Variants in FBXO45 observed in about 807,000 individuals in gnomAD.
FBXO45 encodes F-box protein 45, also known as F-box/SPRY domain-containing protein 1.
FBXO45 carries 3 observed loss-of-function variants against 25.5 expected under a neutral mutation model. The observed-to-expected ratio is 0.12, with a 90% CI of 0.05 to 0.30. The LOEUF is 0.30. Among genes scored for constraint, FBXO45 ranks in the 10% least tolerant of loss-of-function variants. The pLI, the probability that FBXO45 is intolerant of heterozygous loss-of-function variation, is 1.00. For missense variants in FBXO45, 219 were observed against 365.0 expected (o/e 0.60, Z 3.26); for synonymous variants, 155 against 149.8 (o/e 1.03, Z -0.25).
chr3:196,584,543 T>C lies in FBXO45; in HGVS notation c.*225T>C. The C allele has an allele frequency of 2.2e-6, 1 of 447,526 alleles. No individual in the cohort carries two copies. Among genetic ancestry groups the C allele is most frequent in the South Asian group, 4.4e-5 (1 of 22,568 alleles). 27.7% of individuals were successfully genotyped at this position (447,526 alleles called of 1,614,324 possible). ...CAGTTGGTTGAGTGGGCAGTTGACA[T>C]ATGCATGTTGCACCCGATGTTGTCT... On this transcript the variant is annotated 3_prime_UTR_variant, in exon 3 of 3. Transcript: ENST00000311630. The surrounding 1 kb of genome is among the most constrained non-coding windows in gnomAD (Gnocchi z 4.3).
intron 1 of FBXO45, among the ~76,000 whole-genome samples, chr3:196,575,255 A>T (rs1181420059): frequency 6.6e-6 from 1 of 152,198 alleles, no homozygotes; most frequent in Non-Finnish European, 1.5e-5. Context: ...CAGGAGTTTG[A>T]GACCAGCCTG....
intron 2 of FBXO45, among the ~76,000 whole-genome samples, chr3:196,578,043 A>ATTTTTTTTTTTTTTT (rs1196867210): frequency 1.4e-3 from 35 of 25,170 alleles, no homozygotes; most frequent in African/African-American, 1.8e-3. Flanking sequence ...GCAGAAAAAT[A>ATTTTTTTTTTTTTTT]TTCTTTTTTT....
chr3:196,573,424 T>TGAACAGC (rs1190150220), intron 1 of FBXO45, among the ~76,000 whole-genome samples: 1 of 152,180 alleles, frequency 6.6e-6, no homozygotes, highest in Non-Finnish European at 1.5e-5. Context: ...CATAGAAGTT[T>TGAACAGC]GAACAGCAGA....
Position 196,586,465 on chromosome 3 carries a change from C to T in FBXO45, c.*2147C>T, listed in dbSNP as rs1736112804. ...TCAAAGATTTAAATTCCCGAATGTC[C>T]CATTCGCAAATCATATGCAATTGAA... On this transcript the variant is annotated 3_prime_UTR_variant, in exon 3 of 3. Coordinates refer to ENST00000311630, the MANE Select transcript of FBXO45 (RefSeq NM_001105573.2). The T allele has an allele frequency of 6.6e-6, 1 of 152,130 alleles. No individual in the cohort carries two copies. The highest frequency in any genetic ancestry group is 1.5e-5 in the Non-Finnish European group (1 of 68,040). 9.4% of individuals were successfully genotyped at this position (152,130 alleles called of 1,614,324 possible).
Position 196,584,190 on chromosome 3 carries a change from C to T in FBXO45, c.733C>T (p.Arg245Cys). The change falls in exon 3 of 3, where the codon CGT becomes TGT. Residue 245 changes from arginine to cysteine, a missense_variant. By Grantham distance (180) the Arg-to-Cys change is radical (BLOSUM62 -3). Coordinates refer to ENST00000311630, the MANE Select transcript of FBXO45 (RefSeq NM_001105573.2). This position sits in a 1 kb window ranked among gnomAD's most constrained non-coding sequence, Gnocchi z 4.3. Reference sequence around the variant, plus strand: ...GGAAGATAAGACTTTAGCTTTTGAACGTGGATATGAGTTCCTGGGGGTTGC... The same window carrying T: ...GGAAGATAAGACTTTAGCTTTTGAATGTGGATATGAGTTCCTGGGGGTTGC... ...DMEDKTLAFE[R>C]GYEFLGVAFR... 2 of 1,613,908 alleles carry T rather than the reference C, an allele frequency of 1.2e-6. No homozygotes were observed. Among genetic ancestry groups the T allele is most frequent in the Non-Finnish European group, 1.7e-6 (2 of 1,179,856 alleles).
chr3:196,570,319 C>T (rs1447448111), intron 1 of FBXO45, among the ~76,000 whole-genome samples: 1 of 150,690 alleles, frequency 6.6e-6, no homozygotes, highest in Non-Finnish European at 1.5e-5. Context: ...CTCACCGCAA[C>T]CTCCGCCTTC....
At chr3:196,575,970 C>G (rs1462674709) in intron 1 of FBXO45, among the ~76,000 whole-genome samples, 2 of 152,194 alleles carry the variant, frequency 1.3e-5, no homozygotes, top group East Asian at 3.8e-4. Flanking sequence ...AGCCACCGCG[C>G]CCGGCCCCTT....
At chr3:196,575,169 G>A (rs1735891364) in intron 1 of FBXO45, among the ~76,000 whole-genome samples, 1 of 152,178 alleles carries the variant, frequency 6.6e-6, no homozygotes, top group Non-Finnish European at 1.5e-5. Context: ...GTTTGAGGAA[G>A]AGAGGGCCGG....
In FBXO45 at chr3:196,568,793, T is replaced by A. The variant is rs1216597501; in HGVS notation, c.-192T>A. On this transcript the variant is annotated 5_prime_UTR_variant, in exon 1 of 3. Transcript: ENST00000311630. ...GGAGGACGCCCCTGCAGCCGGTGCG[T>A]CTGCCCTCAGTGAGGCGGGGCGCGC... 9.2e-6 allele frequency: 2 copies of A among 216,620 alleles called. No individual in the cohort carries two copies. Among genetic ancestry groups the A allele is most frequent in the Non-Finnish European group, 1.6e-5 (2 of 127,212 alleles). 13.4% of individuals were successfully genotyped at this position (216,620 alleles called of 1,614,324 possible). A position where few individuals can be genotyped will look rare whatever the true frequency, so the allele number is the denominator to read the frequency against.
In FBXO45 at chr3:196,586,540, T is replaced by A. The variant is rs544603459; in HGVS notation, c.*2222T>A. 4 of 152,094 alleles carry A rather than the reference T, an allele frequency of 2.6e-5. No homozygotes were observed. Among genetic ancestry groups the A allele is most frequent in the Non-Finnish European group, 5.9e-5 (4 of 68,030 alleles). 9.4% of individuals were successfully genotyped at this position (152,094 alleles called of 1,614,324 possible). A position where few individuals can be genotyped will look rare whatever the true frequency, so the allele number is the denominator to read the frequency against. ...ATGAGGGCCTTCATTTACGTAAATT[T>A]GTCACTAAAACCCAGTAGTAGCTCT... On this transcript the variant is annotated 3_prime_UTR_variant, in exon 3 of 3. Coordinates refer to ENST00000311630, the MANE Select transcript of FBXO45 (RefSeq NM_001105573.2).
In FBXO45 at chr3:196,575,773, C is replaced by T. The variant is rs1735902663; in HGVS notation, c.319-1680C>T. ...CTCACTGCATCCTCTGCCTCCTGGG[C>T]TCAAGCATTCCTTCTGCCTCAGCCT... On this transcript the variant is annotated intron_variant, in intron 1 of 2. Transcript: ENST00000311630. Among the ~76,000 whole-genome samples, 7 of 151,330 alleles carry T rather than the reference C, an allele frequency of 4.6e-5. No individual in the cohort carries two copies. In the South Asian group the frequency reaches 1.5e-3, roughly 32 times the overall value.
At position 196,585,901 on chromosome 3, in the gene FBXO45, G is replaced by C. The variant is rs1237963833; in HGVS notation, c.*1583G>C. 6.6e-6 allele frequency: 1 copy of C among 152,210 alleles called. No homozygotes were observed. The highest frequency in any genetic ancestry group is 1.5e-5 in the Non-Finnish European group (1 of 68,038). The allele number at this position is 152,210 out of a possible 1,614,324, so 9.4% of individuals were successfully genotyped here. On this transcript the variant is annotated 3_prime_UTR_variant, in exon 3 of 3. Coordinates refer to ENST00000311630, the MANE Select transcript of FBXO45 (RefSeq NM_001105573.2). ...TCTTGGATTGCTCCTTGGGAGTTAA[G>C]ATTGTCAATACTCCTGTGAAGCAAG...
At position 196,585,816 on chromosome 3, in the gene FBXO45, C is replaced by A. The variant is rs1324999940; in HGVS notation, c.*1498C>A. The A allele has an allele frequency of 6.6e-6, 1 of 152,136 alleles. No homozygotes were observed. 9.4% of individuals were successfully genotyped at this position (152,136 alleles called of 1,614,324 possible). On this transcript the variant is annotated 3_prime_UTR_variant, in exon 3 of 3. Coordinates refer to ENST00000311630, the MANE Select transcript of FBXO45 (RefSeq NM_001105573.2). ...AGCGAAATCTTTGTACTTCTGAGTT[C>A]TTGCTGTATGTATGTTTTGTTTTAA...
At chr3:196,583,804 C>T (rs577766188) in intron 2 of FBXO45, among the ~76,000 whole-genome samples, 4 of 152,022 alleles carry the variant, frequency 2.6e-5, no homozygotes, top group Non-Finnish European at 4.4e-5. Context: ...ACCAGCTTTG[C>T]GCCACCACAC....
chr3:196,577,848 C>A, intron 2 of FBXO45, 39 bp downstream of exon 2: 3 of 1,271,942 alleles, frequency 2.4e-6, no homozygotes, highest in South Asian at 4.2e-5. Context: ...GGGCCTTTGT[C>A]AAATCACGCC....
At chr3:196,578,283 C>T (rs1735952192) in intron 2 of FBXO45, among the ~76,000 whole-genome samples, 1 of 152,036 alleles carries the variant, frequency 6.6e-6, no homozygotes, top group African/African-American at 2.4e-5. Flanking sequence ...GATTCACCTG[C>T]CTTGGCCTCC....
At chr3:196,583,098 G>A (rs1384275288) in intron 2 of FBXO45, among the ~76,000 whole-genome samples, 1 of 152,042 alleles carries the variant, frequency 6.6e-6, no homozygotes, top group Admixed American at 6.6e-5. Context: ...TTATATAGGT[G>A]GAATCATACC....
rs33962634 is a variant in FBXO45 at position 196,581,223 on chromosome 3, C to CTTTTTTTTTTTTTTTTTTTTTTTTTTT, written c.676-2908_676-2882dup. Among the ~76,000 whole-genome samples, 6 of 63,670 alleles carry CTTTTTTTTTTTTTTTTTTTTTTTTTTT rather than the reference C, an allele frequency of 9.4e-5. 2 individuals carry two copies. The highest frequency in any genetic ancestry group is 1.3e-4 in the Non-Finnish European group (5 of 37,538). 41.8% of individuals were successfully genotyped at this position (63,670 alleles called of 152,430 possible). On this transcript the variant is annotated intron_variant, in intron 2 of 2. Transcript: ENST00000311630. ...TAGAATTTCCTTTTTTTTCTTTTTC[C>CTTTTTTTTTTTTTTTTTTTTTTTTTTT]TTTTTTTTTTTTTTTTTTTTTTTTT...
intron 1 of FBXO45, among the ~76,000 whole-genome samples, chr3:196,570,265 CTTTTT>C (rs35858957): frequency 1.4e-5 from 2 of 142,282 alleles, no homozygotes; most frequent in Admixed American, 6.9e-5. Context: ...ACATCCCCCC[CTTTTT>C]TTTTTTTTTT....
Sources: gnomAD v4.1 joint callset for allele counts (sites outside exome capture counted in the v4.1 genomes callset) on GRCh38, gnomAD v4.1.1 for gene constraint, Gnocchi (gnomAD v3.1) non-coding constraint, MANE v1.5 for transcripts, NCBI Gene and HGNC (gene_info 2026-07-23, HGNC 2026-07-21) for gene names.